The following ZSWIM5 variants were observed in gnomAD, a reference collection of about 807,000 sequenced individuals.
The protein encoded by ZSWIM5 is zinc finger SWIM-type containing 5.
Under a neutral mutation model 119.6 loss-of-function variants are expected in ZSWIM5, and 55 were observed. The observed-to-expected ratio is 0.46, with a 90% confidence interval of 0.37 to 0.58. ZSWIM5 has a LOEUF of 0.58. Among genes scored for constraint, ZSWIM5 ranks in the 20% least tolerant of loss-of-function variants. ZSWIM5 has a pLI of 0.00. For synonymous variants in ZSWIM5, 537 were observed against 606.9 expected, an observed-to-expected ratio of 0.88 and a Z score of 1.69; for missense variants, 1,193 against 1,512.8, an observed-to-expected ratio of 0.79 and a Z score of 3.51.
intron 2 of ZSWIM5, among the ~76,000 whole-genome samples, chr1:45,079,900 G>A (rs1036102148): frequency 6.6e-6 from 1 of 152,136 alleles, no homozygotes; most frequent in African/African-American, 2.4e-5. Context: ...GGCCCAAGGT[G>A]TGTCAAGAAA....
Position 45,018,740 on chromosome 1 carries a change from A to T in ZSWIM5, c.3272T>A (p.Ile1091Asn). ...CTVTAPGLAG[I>N]PGRRSSGKLM... ...CTTTCCAGAGCTTCGGCGGCCTGGGATGCCGGCCAGGCCAGGTGCAGTCAC... is the reference window on the plus strand; with the variant it reads ...CTTTCCAGAGCTTCGGCGGCCTGGGTTGCCGGCCAGGCCAGGTGCAGTCAC... Residue 1091 changes from isoleucine (I) to asparagine (N), a missense_variant, in exon 14 of 14, where the codon ATC (isoleucine) becomes AAC (asparagine). Transcript: ENST00000359600. This position sits in a 1 kb window ranked among gnomAD's most constrained non-coding sequence, Gnocchi z 6.7. 6.2e-7 allele frequency: 1 copy of T among 1,614,232 alleles called. No individual in the cohort carries two copies. Among genetic ancestry groups the T allele is most frequent in the Non-Finnish European group, 8.5e-7 (1 of 1,180,038 alleles).
At chr1:45,090,327 G>A (rs763835349) in intron 1 of ZSWIM5, among the ~76,000 whole-genome samples, 1 of 152,146 alleles carries the variant, frequency 6.6e-6, no homozygotes, top group Non-Finnish European at 1.5e-5. Flanking sequence ...CCCCACAGAG[G>A]TTTTTTCTCA....
At chr1:45,056,839 T>C (rs553866184) in intron 4 of ZSWIM5, among the ~76,000 whole-genome samples, 2 of 152,190 alleles carry the variant, frequency 1.3e-5, no homozygotes, top group African/African-American at 4.8e-5. Flanking sequence ...GGTAGAGACA[T>C]AGAAAGCATT....
intron 1 of ZSWIM5, among the ~76,000 whole-genome samples, chr1:45,196,103 T>G (rs1479546319): frequency 1.4e-5 from 2 of 147,278 alleles, no homozygotes; most frequent in Non-Finnish European, 3.0e-5. Flanking sequence ...CTCAAACCCC[T>G]GGGCTCAAGT....
intron 1 of ZSWIM5, among the ~76,000 whole-genome samples, chr1:45,105,072 C>G (rs1047938779): frequency 6.6e-6 from 1 of 152,202 alleles, no homozygotes. Flanking sequence ...CTGCCTTGGC[C>G]TGCCGAGTGC....
intron 1 of ZSWIM5, among the ~76,000 whole-genome samples, chr1:45,134,671 T>C (rs1351108943): frequency 6.6e-6 from 1 of 152,116 alleles, no homozygotes; most frequent in Non-Finnish European, 1.5e-5. Context: ...TGGTTTAGAT[T>C]GGAAAAAAGC....
intron 2 of ZSWIM5, among the ~76,000 whole-genome samples, chr1:45,067,083 C>G (rs1056364368): frequency 6.6e-6 from 1 of 151,902 alleles, no homozygotes; most frequent in African/African-American, 2.4e-5. Context: ...TCTTGGGATG[C>G]CTTTATGACA....
At chr1:45,070,205 C>G in intron 2 of ZSWIM5, 2 of 1,434,992 alleles carry the variant, frequency 1.4e-6, no homozygotes, top group Non-Finnish European at 2.0e-6. Flanking sequence ...CTTTGTAGGC[C>G]AAGAAAGCTA....
intron 1 of ZSWIM5, among the ~76,000 whole-genome samples, chr1:45,186,309 A>G (rs1646058360): frequency 6.6e-6 from 1 of 150,636 alleles, no homozygotes; most frequent in African/African-American, 2.4e-5. Flanking sequence ...CTAAATGACG[A>G]GTTAATGGGT....
intron 2 of ZSWIM5, among the ~76,000 whole-genome samples, chr1:45,060,510 A>AG (rs1184186927): frequency 2.0e-5 from 3 of 152,236 alleles, no homozygotes; most frequent in Non-Finnish European, 4.4e-5. Context: ...ATACCACTGT[A>AG]GGGGAAAAAA....
At chr1:45,073,938 T>A (rs1645240507) in intron 2 of ZSWIM5, among the ~76,000 whole-genome samples, 3 of 151,992 alleles carry the variant, frequency 2.0e-5, no homozygotes, top group Admixed American at 2.0e-4. Context: ...ATTTTTATCA[T>A]GAAGAGATGT....
At chr1:45,068,091 C>CTTTTTTTTTTTTTTTTTTTTTT (rs869057806) in intron 2 of ZSWIM5, among the ~76,000 whole-genome samples, 1 of 111,536 alleles carries the variant, frequency 9.0e-6, no homozygotes. Flanking sequence ...AGCAATTTTT[C>CTTTTTTTTTTTTTTTTTTTTTT]TTTTTTTTTT....
At position 45,017,330 on chromosome 1, in the gene ZSWIM5, T is replaced by C. The variant is rs1370419158; in HGVS notation, c.*1124A>G. 6.6e-6 allele frequency: 1 copy of C among 152,216 alleles called. No individual in the cohort carries two copies. The highest frequency in any genetic ancestry group is 1.5e-5 in the Non-Finnish European group (1 of 68,020). 9.4% of individuals were successfully genotyped at this position (152,216 alleles called of 1,614,324 possible). ...ATACACATGGATACAAACATGTTTA[T>C]ACACATGCACTCGTGTACGCAGATA... On this transcript the variant is annotated 3_prime_UTR_variant, in exon 14 of 14. Coordinates refer to ENST00000359600, the MANE Select transcript of ZSWIM5 (RefSeq NM_020883.2).
intron 5 of ZSWIM5, among the ~76,000 whole-genome samples, chr1:45,048,614 GA>G (rs1410267147): frequency 6.6e-6 from 1 of 152,126 alleles, no homozygotes; most frequent in East Asian, 1.9e-4. Context: ...CTAAAGAAAA[GA>G]AGCTAGCAAG....
chr1:45,099,510 A>G (rs1645424511), intron 1 of ZSWIM5, among the ~76,000 whole-genome samples: 1 of 152,228 alleles, frequency 6.6e-6, no homozygotes, highest in Admixed American at 6.5e-5. Context: ...AACTATTCCA[A>G]TCAAGAGAAA....
intron 2 of ZSWIM5, among the ~76,000 whole-genome samples, chr1:45,077,329 A>G (rs1645261428): frequency 6.6e-6 from 1 of 152,186 alleles, no homozygotes; most frequent in Non-Finnish European, 1.5e-5. Flanking sequence ...AGTACAAAAG[A>G]GAGAAATTTT....
intron 5 of ZSWIM5, among the ~76,000 whole-genome samples, chr1:45,045,206 G>A (rs1246375361): frequency 6.6e-6 from 1 of 151,928 alleles, no homozygotes; most frequent in African/African-American, 2.4e-5. Flanking sequence ...ACTTAGGGAG[G>A]ATCATGGAAA....
intron 1 of ZSWIM5, among the ~76,000 whole-genome samples, chr1:45,136,864 G>A (rs1195021174): frequency 6.6e-6 from 1 of 152,138 alleles, no homozygotes; most frequent in East Asian, 1.9e-4. Context: ...TTTACCAGGG[G>A]CTCTCCTCCT....
intron 1 of ZSWIM5, among the ~76,000 whole-genome samples, chr1:45,134,407 G>T (rs925736853): frequency 6.6e-6 from 1 of 152,180 alleles, no homozygotes; most frequent in African/African-American, 2.4e-5. Context: ...GTTTGCTAAA[G>T]AGAAAGGAAA....
Sources: allele counts gnomAD v4.1 joint callset (sites outside exome capture counted in the v4.1 genomes callset), GRCh38; gene constraint gnomAD v4.1.1; non-coding constraint Gnocchi (gnomAD v3.1); transcripts MANE v1.5; gene names NCBI Gene and HGNC (gene_info 2026-07-23, HGNC 2026-07-21).